Variants in ANKIB1 observed in about 807,000 individuals in gnomAD.
ANKIB1 encodes ankyrin repeat and IBR domain-containing protein 1.
ANKIB1 carries 43 observed loss-of-function variants against 122.1 expected under a neutral mutation model. The ratio of observed to expected loss-of-function variants is 0.35; its 90% CI spans 0.28 to 0.45. The LOEUF (loss-of-function observed/expected upper bound fraction) is 0.45. Among genes scored for constraint, ANKIB1 ranks in the 20% least tolerant of loss-of-function variants. The pLI, the probability that ANKIB1 is intolerant of heterozygous loss-of-function variation, is 1.00. For missense variants in ANKIB1, 992 were observed against 1,329.5 expected, an observed-to-expected ratio of 0.75 and a Z score of 3.95; for synonymous variants, 390 against 442.0, an observed-to-expected ratio of 0.88 and a Z score of 1.48.
intron 1 of ANKIB1, among the ~76,000 whole-genome samples, chr7:92,279,043 G>A (rs1801963435): frequency 2.0e-5 from 3 of 152,130 alleles, no homozygotes; most frequent in East Asian, 1.9e-4. Context: ...GGATGGTGTC[G>A]GGATGAAACT....
At chr7:92,387,635 CAA>C (rs371663281) in intron 12 of ANKIB1, among the ~76,000 whole-genome samples, 161 bp from the exon 13 acceptor site, 2 of 117,988 alleles carry the variant, frequency 1.7e-5, no homozygotes, top group Non-Finnish European at 1.8e-5. Context: ...GACTCCGTCT[CAA>C]AAAAAAAAAA....
chr7:92,265,548 CAT>C (rs768187771), intron 1 of ANKIB1, among the ~76,000 whole-genome samples: 1 of 152,170 alleles, frequency 6.6e-6, no homozygotes, highest in Non-Finnish European at 1.5e-5. Flanking sequence ...TAAAGCAAAA[CAT>C]AACTATTGTC....
At chr7:92,301,566 T>G (rs1479534100) in intron 2 of ANKIB1, among the ~76,000 whole-genome samples, 1 of 152,142 alleles carries the variant, frequency 6.6e-6, no homozygotes, top group Non-Finnish European at 1.5e-5. Flanking sequence ...ATTTTATGAG[T>G]TCTTTATATA....
intron 11 of ANKIB1, among the ~76,000 whole-genome samples, chr7:92,378,953 A>T (rs1307407846): frequency 1.3e-5 from 2 of 152,252 alleles, no homozygotes; most frequent in Non-Finnish European, 2.9e-5. Context: ...CTGGAAACAA[A>T]TTTAACAAGA....
chr7:92,277,168 A>C (rs1801922240), intron 1 of ANKIB1, among the ~76,000 whole-genome samples: 1 of 152,154 alleles, frequency 6.6e-6, no homozygotes, highest in South Asian at 2.1e-4. Context: ...CTTCCTGTAC[A>C]GCCTGCAGAA....
At chr7:92,387,270 A>C (rs73414066) in intron 12 of ANKIB1, among the ~76,000 whole-genome samples, 2 of 151,956 alleles carry the variant, frequency 1.3e-5, no homozygotes, top group Non-Finnish European at 2.9e-5. Flanking sequence ...AGTCACATAG[A>C]GGGTAGGGCT....
At chr7:92,307,717 C>T in intron 3 of ANKIB1, 61 bp downstream of exon 3, 2 of 1,235,748 alleles carry the variant, frequency 1.6e-6, no homozygotes, top group Non-Finnish European at 2.0e-6. Flanking sequence ...TGATATGTAA[C>T]TGTCAGGTTT....
chr7:92,319,817 C>A, intron 4 of ANKIB1: 1 of 255,894 alleles, frequency 3.9e-6, no homozygotes, highest in Non-Finnish European at 7.4e-6. Flanking sequence ...CACTCATTGT[C>A]CTAACTACTC....
intron 1 of ANKIB1, among the ~76,000 whole-genome samples, chr7:92,272,769 T>C (rs1801823660): frequency 6.6e-6 from 1 of 152,180 alleles, no homozygotes; most frequent in African/African-American, 2.4e-5. Context: ...GGGATACATT[T>C]TGAGAAATAC....
chr7:92,352,847 T>C (rs1803695714), intron 9 of ANKIB1, among the ~76,000 whole-genome samples: 1 of 152,240 alleles, frequency 6.6e-6, no homozygotes, highest in African/African-American at 2.4e-5. Flanking sequence ...TTTTTACATA[T>C]TGAATTCTCC....
chr7:92,311,413 C>T (rs528165141), intron 3 of ANKIB1, among the ~76,000 whole-genome samples: 2 of 152,042 alleles, frequency 1.3e-5, no homozygotes, highest in Non-Finnish European at 2.9e-5. Flanking sequence ...TCTCTATTAG[C>T]CTGTTATTGC....
intron 1 of ANKIB1, among the ~76,000 whole-genome samples, chr7:92,289,488 C>T (rs1802203221): frequency 6.6e-6 from 1 of 152,180 alleles, no homozygotes; most frequent in Non-Finnish European, 1.5e-5. Flanking sequence ...AAGCTGACTT[C>T]CACCACACTG....
intron 1 of ANKIB1, among the ~76,000 whole-genome samples, chr7:92,270,934 T>C (rs528150996): frequency 1.3e-5 from 2 of 152,004 alleles, no homozygotes; most frequent in Non-Finnish European, 2.9e-5. Flanking sequence ...ACAGTCTCTT[T>C]TGCAGAGCAC....
intron 3 of ANKIB1, among the ~76,000 whole-genome samples, chr7:92,318,086 T>TA (rs1802829642): frequency 6.6e-6 from 1 of 152,198 alleles, no homozygotes; most frequent in Non-Finnish European, 1.5e-5. Flanking sequence ...TCAAGCTACT[T>TA]AACTATTCTG....
At chr7:92,274,846 G>A (rs779941374) in intron 1 of ANKIB1, among the ~76,000 whole-genome samples, 15 of 152,042 alleles carry the variant, frequency 9.9e-5, no homozygotes, top group South Asian at 2.1e-4. Flanking sequence ...AGGATAGCCC[G>A]AGCCCAGGAG....
chr7:92,391,237 C>T lies in ANKIB1; in HGVS notation c.2124C>T (p.His708=), dbSNP rs1207642423. Residue 708 remains histidine, a synonymous_variant, in exon 16 of 20, where the codon CAC becomes CAT. Coordinates refer to ENST00000265742, the MANE Select transcript of ANKIB1 (RefSeq NM_019004.2). The part of the protein sequence containing the change: ...VNRPYLRTPR[H]KIIKAACLVQ... Reference sequence around the variant, plus strand: ...GGCCTTACCTTCGCACACCCCGCCACAAGATCATCAAAGCAGCATGCCTTG... The same window carrying T: ...GGCCTTACCTTCGCACACCCCGCCATAAGATCATCAAAGCAGCATGCCTTG... 6.2e-7 allele frequency: 1 copy of T among 1,613,414 alleles called. No individual in the cohort carries two copies. Among genetic ancestry groups the T allele is most frequent in the Non-Finnish European group, 8.5e-7 (1 of 1,179,654 alleles).
intron 1 of ANKIB1, among the ~76,000 whole-genome samples, chr7:92,287,992 C>T (rs1777842388): frequency 6.9e-6 from 1 of 145,140 alleles, no homozygotes; most frequent in Non-Finnish European, 1.5e-5. Context: ...GCTGAGATTG[C>T]ACCACTGCAC....
At position 92,321,029 on chromosome 7, in the gene ANKIB1, A is replaced by G. The variant is rs369070649; in HGVS notation, c.669+1517A>G. On this transcript the variant is annotated intron_variant, in intron 4 of 19. Transcript: ENST00000265742. ...TTCTTTCCTATGTCTGAAATCTCGC[A>G]GTTATTTTTTGCCGTTCTTTCTAAA... is the stretch of plus-strand genomic sequence containing the variant. Among the ~76,000 whole-genome samples, 4 of 152,240 alleles carry G rather than the reference A, an allele frequency of 2.6e-5. 1 individual carries two copies.
At chr7:92,388,457 C>T (rs1456370609) in intron 14 of ANKIB1, among the ~76,000 whole-genome samples, 3 of 152,194 alleles carry the variant, frequency 2.0e-5, no homozygotes, top group South Asian at 2.1e-4. Flanking sequence ...TGCCTAAGGG[C>T]GTGGAAGTCA....
Sources: gnomAD v4.1 joint callset for allele counts (sites outside exome capture counted in the v4.1 genomes callset) on GRCh38, gnomAD v4.1.1 for gene constraint, MANE v1.5 for transcripts, NCBI Gene and HGNC (gene_info 2026-07-23, HGNC 2026-07-21) for gene names.